XYLT1: variants seen among roughly 807,000 people sequenced by gnomAD.
XYLT1 encodes beta-D-xylosyltransferase 1.
XYLT1 carries 36 observed loss-of-function variants against 91.3 expected under a neutral mutation model. The observed-to-expected ratio is 0.39, with a 90% CI of 0.30 to 0.52. The LOEUF (loss-of-function observed/expected upper bound fraction) is 0.52. Ranked by LOEUF, XYLT1 falls within the 20% of genes least tolerant of loss-of-function variation. The pLI, the probability that XYLT1 is intolerant of heterozygous loss-of-function variation, is 0.68. For missense variants in XYLT1, 1,242 were observed against 1,284.5 expected (o/e 0.97, Z 0.51); for synonymous variants, 588 against 532.0 (o/e 1.11, Z -1.45).
Position 17,252,196 on chromosome 16 carries a change from C to T in XYLT1, c.913+6792G>A, listed in dbSNP as rs75983234. On this transcript the variant is annotated intron_variant, in intron 3 of 11. Transcript: ENST00000261381. ...CACTTAACTTCCCCAGTGCACTCAGCATTTTATATGCATTGTCTCATTTCA... is the reference window on the plus strand; with the variant it reads ...CACTTAACTTCCCCAGTGCACTCAGTATTTTATATGCATTGTCTCATTTCA... 4.5e-3 allele frequency among the ~76,000 whole-genome samples: 679 copies of T among 152,228 alleles called. 12 individuals are homozygous for T. In the East Asian group the frequency reaches 0.05, roughly 11 times the overall value.
intron 2 of XYLT1, among the ~76,000 whole-genome samples, chr16:17,266,279 C>A (rs543040318): frequency 1.3e-5 from 2 of 152,250 alleles, no homozygotes; most frequent in South Asian, 4.1e-4. Flanking sequence ...TCCCAGAGAG[C>A]CGAAGATGGC....
At chr16:17,291,909 A>G (rs913828057) in intron 2 of XYLT1, among the ~76,000 whole-genome samples, 1 of 152,108 alleles carries the variant, frequency 6.6e-6, no homozygotes, top group African/African-American at 2.4e-5. Flanking sequence ...TAGGATGGCC[A>G]GGCACGGTAG....
At chr16:17,155,294 C>A (rs978522192) in intron 6 of XYLT1, among the ~76,000 whole-genome samples, 1 of 152,102 alleles carries the variant, frequency 6.6e-6, no homozygotes, top group South Asian at 2.1e-4. Flanking sequence ...GCCAATAATC[C>A]CCACCCAGTG....
chr16:17,453,859 G>A (rs140724217), intron 1 of XYLT1, among the ~76,000 whole-genome samples: 20 of 152,308 alleles, frequency 1.3e-4, no homozygotes, highest in African/African-American at 4.6e-4. Flanking sequence ...TGGACAATAT[G>A]GCTTTGGTAT....
intron 1 of XYLT1, among the ~76,000 whole-genome samples, chr16:17,453,396 C>T (rs2036693472): frequency 6.6e-6 from 1 of 152,160 alleles, no homozygotes; most frequent in Admixed American, 6.5e-5. Context: ...ATTTTTCAGC[C>T]AGCACCAAGC....
chr16:17,134,253 T>C (rs751610540), intron 9 of XYLT1, among the ~76,000 whole-genome samples: 57 of 152,168 alleles, frequency 3.7e-4, no homozygotes, highest in Non-Finnish European at 7.3e-5. Flanking sequence ...ATTGGGTACA[T>C]AGGATATCTG....
intron 6 of XYLT1, among the ~76,000 whole-genome samples, chr16:17,144,639 C>T (rs2031085020): frequency 6.6e-6 from 1 of 152,152 alleles, no homozygotes; most frequent in Non-Finnish European, 1.5e-5. Context: ...TGGGAGATTG[C>T]TCTGGGCAGA....
intron 5 of XYLT1, among the ~76,000 whole-genome samples, chr16:17,177,718 A>T (rs2031975820): frequency 6.6e-6 from 1 of 152,198 alleles, no homozygotes; most frequent in Non-Finnish European, 1.5e-5. Flanking sequence ...TTCCAAGATA[A>T]ATTACAGGAG....
At chr16:17,342,510 T>G (rs866378674) in intron 2 of XYLT1, among the ~76,000 whole-genome samples, 2 of 151,956 alleles carry the variant, frequency 1.3e-5, no homozygotes, top group Non-Finnish European at 2.9e-5. Flanking sequence ...TCCCATGAGG[T>G]TGGGAGTTCG....
In XYLT1 at chr16:17,259,479, C is replaced by G; in HGVS notation, c.422G>C (p.Arg141Pro). Residue 141 changes from arginine to proline, a missense_variant, in exon 3 of 12, where the codon CGG becomes CCG. Physicochemically the swap from Arg to Pro is moderately radical, Grantham distance 103. Around this residue, in one of 3 missense-constraint regions of XYLT1, gnomAD observed 437 missense variants for 411.5 expected, o/e 1.06. Transcript: ENST00000261381. ...GTCTGTTCGCACTTTCTCTTTCGGC[C>G]GATGAGAAAAGTAGCCATCCTGGAG... ...LETQDGYFSHRPKEKVRTDSN... is the reference protein window; with the variant it reads ...LETQDGYFSHPPKEKVRTDSN... The G allele has an allele frequency of 6.2e-7, 1 of 1,608,132 alleles. No individual in the cohort carries two copies. Among genetic ancestry groups the G allele is most frequent in the Non-Finnish European group, 8.5e-7 (1 of 1,177,572 alleles).
At chr16:17,223,035 G>GA (rs535714440) in intron 3 of XYLT1, among the ~76,000 whole-genome samples, 6,667 of 127,378 alleles carry the variant, frequency 0.052, 474 homozygotes, top group African/African-American at 0.17. Flanking sequence ...ACTGCGCCAG[G>GA]AAAAAAAAAA....
chr16:17,450,673 G>A (rs2036654663), intron 1 of XYLT1, among the ~76,000 whole-genome samples: 1 of 152,142 alleles, frequency 6.6e-6, no homozygotes, highest in Non-Finnish European at 1.5e-5. Context: ...ACACAGAACA[G>A]GTTCTGGAAT....
intron 9 of XYLT1, among the ~76,000 whole-genome samples, chr16:17,132,629 G>A (rs931448535): frequency 1.3e-3 from 193 of 150,338 alleles, no homozygotes; most frequent in African/African-American, 3.3e-4. Context: ...AAGGCTGGGC[G>A]CAATGGCTCA....
At position 17,330,359 on chromosome 16, in the gene XYLT1, A is replaced by G. The variant is rs1233101125; in HGVS notation, c.402+27653T>C. ...AACAGGTTGATCCAGACCTCAGATG[A>G]TGAAATTCTGCTGGCTGTTTACTGG... On this transcript the variant is annotated intron_variant, in intron 2 of 11. Transcript: ENST00000261381. Among the ~76,000 whole-genome samples, 3 of 152,158 alleles carry G rather than the reference A, an allele frequency of 2.0e-5. No homozygotes were observed. In the East Asian group the frequency reaches 5.8e-4, roughly 29 times the overall value.
intron 1 of XYLT1, among the ~76,000 whole-genome samples, chr16:17,374,067 AG>A: frequency 6.6e-6 from 1 of 152,230 alleles, no homozygotes; most frequent in Non-Finnish European, 1.5e-5. Context: ...AGGTTCTTTC[AG>A]AAAGGGAGAA....
intron 3 of XYLT1, among the ~76,000 whole-genome samples, chr16:17,253,709 C>A (rs141161904): frequency 2.2e-4 from 33 of 152,214 alleles, no homozygotes; most frequent in African/African-American, 7.9e-4. Flanking sequence ...GTGCACGGGA[C>A]ACCTGGGATT....
chr16:17,124,692 T>C (rs976165626), intron 10 of XYLT1, among the ~76,000 whole-genome samples: 1 of 152,210 alleles, frequency 6.6e-6, no homozygotes, highest in African/African-American at 2.4e-5. Context: ...ATTCCATTAT[T>C]CAAACTTTTA....
chr16:17,267,405 G>A (rs548124563), intron 2 of XYLT1, among the ~76,000 whole-genome samples: 2 of 152,284 alleles, frequency 1.3e-5, no homozygotes, highest in African/African-American at 2.4e-5. Flanking sequence ...GAGCAAGTCT[G>A]AGTCTTTTGT....
At chr16:17,132,697 G>T (rs1363745398) in intron 9 of XYLT1, among the ~76,000 whole-genome samples, 1 of 152,206 alleles carries the variant, frequency 6.6e-6, no homozygotes, top group Non-Finnish European at 1.5e-5. Context: ...GAGGTCAGGA[G>T]TTCGAGACCA....
Sources: gnomAD v4.1 joint callset for allele counts (sites outside exome capture counted in the v4.1 genomes callset) on GRCh38, gnomAD v4.1.1 for gene constraint, gnomAD v4.1.1 regional missense constraint, MANE v1.5 for transcripts, NCBI Gene and HGNC (gene_info 2026-07-23, HGNC 2026-07-21) for gene names.